PRIMA1: variants seen among roughly 807,000 people sequenced by gnomAD.
PRIMA1 encodes the protein proline rich membrane anchor 1, also known as proline-rich membrane anchor 1.
PRIMA1 carries 7 observed loss-of-function variants against 17.5 expected under a neutral mutation model. That is an observed-to-expected ratio of 0.40 (90% confidence interval 0.23 to 0.75). The LOEUF (loss-of-function observed/expected upper bound fraction) is 0.75. PRIMA1 is among the 30% of genes least tolerant of loss of function. The probability of loss-of-function intolerance (pLI) is 0.37; values close to 1 mark genes in which losing one functional copy is unlikely to be tolerated. For synonymous variants in PRIMA1, 97 were observed against 77.9 expected, an observed-to-expected ratio of 1.25 and a Z score of -1.29; for missense variants, 200 against 201.8, an observed-to-expected ratio of 0.99 and a Z score of 0.05.
At chr14:93,741,059 G>A (rs1009214238) in intron 3 of PRIMA1, among the ~76,000 whole-genome samples, 1 of 152,186 alleles carries the variant, frequency 6.6e-6, no homozygotes, top group East Asian at 1.9e-4. Context: ...ACTTATCACC[G>A]CATGTGTATG....
In PRIMA1 at chr14:93,780,990, G is replaced by A. The variant is rs142258167; in HGVS notation, c.94-1679C>T. Among the ~76,000 whole-genome samples, 631 of 151,624 alleles carry A rather than the reference G, an allele frequency of 4.2e-3. 4 individuals carry two copies. Among genetic ancestry groups the A allele is most frequent in the South Asian group, 9.3e-3 (45 of 4,826 alleles). ...AATGCTGATCCAGCCCCTCTGTCACGTGGCAGGGAGAGCCCCCCGGGGCTG... is the reference window on the plus strand; with the variant it reads ...AATGCTGATCCAGCCCCTCTGTCACATGGCAGGGAGAGCCCCCCGGGGCTG... On this transcript the variant is annotated intron_variant, in intron 2 of 4. Coordinates refer to ENST00000393140, the MANE Select transcript of PRIMA1 (RefSeq NM_178013.4).
intron 4 of PRIMA1, among the ~76,000 whole-genome samples, chr14:93,722,668 AATG>A (rs1372917429): frequency 7.1e-5 from 5 of 70,744 alleles, no homozygotes; most frequent in Middle Eastern, 9.6e-3. Context: ...TGATAGCGGT[AATG>A]ATGATGGGGT....
rs1466918728 is a variant in PRIMA1, at chr14:93,721,602, T to C, written c.360-56A>G. On this transcript the variant is annotated intron_variant, in intron 4 of 4. Transcript: ENST00000393140. ...AAAGGAGGGGGAGGCAGGGACACCATTAGTTATCACTGATGGTGGGGTGTA... is the reference window on the plus strand; with the variant it reads ...AAAGGAGGGGGAGGCAGGGACACCACTAGTTATCACTGATGGTGGGGTGTA... The C allele has an allele frequency of 3.7e-6, 4 of 1,070,528 alleles. No individual in the cohort carries two copies. In the South Asian group the frequency reaches 3.9e-5, roughly 10 times the overall value. The allele number at this position is 1,070,528 out of a possible 1,614,324, so 66.3% of individuals were successfully genotyped here. A position where few individuals can be genotyped will look rare whatever the true frequency, so the allele number is the denominator to read the frequency against.
At chr14:93,759,488 C>A (rs1003752775) in intron 3 of PRIMA1, among the ~76,000 whole-genome samples, 4 of 151,926 alleles carry the variant, frequency 2.6e-5, no homozygotes, top group Admixed American at 2.6e-4. Flanking sequence ...TATGTGTGTG[C>A]GCGTGCATGT....
chr14:93,733,780 G>A (rs1296274159), intron 4 of PRIMA1, among the ~76,000 whole-genome samples: 3 of 152,186 alleles, frequency 2.0e-5, no homozygotes, highest in African/African-American at 7.2e-5. Context: ...ATGAATTATT[G>A]ACCAAAAACA....
intron 3 of PRIMA1, among the ~76,000 whole-genome samples, chr14:93,745,776 GCACAGTGGTTATCCA>G (rs1449229756): frequency 3.3e-5 from 5 of 152,258 alleles, no homozygotes; most frequent in Non-Finnish European, 1.5e-5. Flanking sequence ...GCCCAGTTCA[GCACAGTGGTTATCCA>G]CACGGGCTTT....
At chr14:93,783,827 CAG>C in intron 2 of PRIMA1, among the ~76,000 whole-genome samples, 1 of 152,286 alleles carries the variant, frequency 6.6e-6, no homozygotes, top group South Asian at 2.1e-4. Flanking sequence ...CTGAGGGACA[CAG>C]TGTTCCCAGC....
chr14:93,720,137 TAGGGGTGGTGGGGAGAGCC>T lies in PRIMA1; in HGVS notation c.*1288_*1306del, dbSNP rs1194711260. On this transcript the variant is annotated 3_prime_UTR_variant, in exon 5 of 5. Coordinates refer to ENST00000393140, the MANE Select transcript of PRIMA1 (RefSeq NM_178013.4). The stretch of plus-strand genomic sequence containing the variant: ...ATTGGGCTCCTTCTGAGCACATATG[TAGGGGTGGTGGGGAGAGCC>T]AGGGGGCCAGGAGTGTCCCACTCAT... The T allele has an allele frequency of 1.3e-5, 2 of 152,232 alleles. No homozygotes were observed. Among genetic ancestry groups the T allele is most frequent in the Non-Finnish European group, 2.9e-5 (2 of 68,056 alleles). 9.4% of individuals were successfully genotyped at this position (152,232 alleles called of 1,614,324 possible).
chr14:93,738,882 G>A (rs2076167370), intron 3 of PRIMA1, among the ~76,000 whole-genome samples: 1 of 152,058 alleles, frequency 6.6e-6, no homozygotes, highest in African/African-American at 2.4e-5. Flanking sequence ...AGATTTGCTT[G>A]GTTTTGACAT....
At chr14:93,777,344 T>TC (rs1255189868) in intron 3 of PRIMA1, among the ~76,000 whole-genome samples, 1 of 93,980 alleles carries the variant, frequency 1.1e-5, no homozygotes, top group Non-Finnish European at 3.0e-5. Flanking sequence ...TCCCATTCAT[T>TC]CTTTTTTTTT....
At chr14:93,776,677 T>C (rs1179900097) in intron 3 of PRIMA1, among the ~76,000 whole-genome samples, 2 of 152,260 alleles carry the variant, frequency 1.3e-5, no homozygotes, top group East Asian at 1.9e-4. Context: ...ACTGGGTCCA[T>C]GTCCCTGCAG....
In PRIMA1 at chr14:93,766,898, A is replaced by G. The variant is rs116749476; in HGVS notation, c.229+12278T>C. Reference sequence around the variant, plus strand: ...AAATAAGATACAAACTGATTAACTGATAAGGACCATATCTTCTTTATTTTC... The same window carrying G: ...AAATAAGATACAAACTGATTAACTGGTAAGGACCATATCTTCTTTATTTTC... On this transcript the variant is annotated intron_variant, in intron 3 of 4. Coordinates refer to ENST00000393140, the MANE Select transcript of PRIMA1 (RefSeq NM_178013.4). Among the ~76,000 whole-genome samples, 759 of 152,352 alleles carry G rather than the reference A, an allele frequency of 5.0e-3. 2 individuals are homozygous for G. Among genetic ancestry groups the G allele is most frequent in the African/African-American group, 0.017 (727 of 41,580 alleles).
At chr14:93,767,518 C>T (rs1384291920) in intron 3 of PRIMA1, among the ~76,000 whole-genome samples, 1 of 152,198 alleles carries the variant, frequency 6.6e-6, no homozygotes, top group Non-Finnish European at 1.5e-5. Flanking sequence ...GACCCTTCAG[C>T]AAACTCATGC....
chr14:93,744,441 TG>T (rs1270394770), intron 3 of PRIMA1, among the ~76,000 whole-genome samples: 2 of 152,200 alleles, frequency 1.3e-5, no homozygotes, highest in Non-Finnish European at 2.9e-5. Flanking sequence ...CTATGGCGGC[TG>T]GGGGAGGTCT....
intron 3 of PRIMA1, among the ~76,000 whole-genome samples, chr14:93,768,979 C>G (rs920046988): frequency 2.2e-5 from 1 of 45,800 alleles, no homozygotes. Context: ...CTAAAGATCA[C>G]TTTTTTAAAA....
upstream of PRIMA1, among the ~76,000 whole-genome samples, chr14:93,788,877 T>G (rs1885611321): frequency 6.6e-6 from 1 of 151,686 alleles, no homozygotes; most frequent in Non-Finnish European, 1.5e-5. Flanking sequence ...CTCCCCGCCT[T>G]TCCTGGTGGC....
At chr14:93,776,399 T>C (rs1030810369) in intron 3 of PRIMA1, among the ~76,000 whole-genome samples, 4 of 152,202 alleles carry the variant, frequency 2.6e-5, no homozygotes, top group Non-Finnish European at 5.9e-5. Context: ...ATGAGTTCTC[T>C]CTGTACTCAA....
chr14:93,764,707 G>C (rs1436295135), intron 3 of PRIMA1, among the ~76,000 whole-genome samples: 1 of 152,200 alleles, frequency 6.6e-6, no homozygotes, highest in Non-Finnish European at 1.5e-5. Flanking sequence ...GCACTTTTTT[G>C]AGTGGGAGAG....
chr14:93,737,041 A>T (rs922384496), intron 4 of PRIMA1, among the ~76,000 whole-genome samples, 200 bp downstream of exon 4: 2 of 152,250 alleles, frequency 1.3e-5, no homozygotes, highest in Non-Finnish European at 2.9e-5. Context: ...AATAAAATAG[A>T]TATAGCAAAT....
Sources: allele counts gnomAD v4.1 joint callset (sites outside exome capture counted in the v4.1 genomes callset), GRCh38; gene constraint gnomAD v4.1.1; transcripts MANE v1.5; gene names NCBI Gene and HGNC (gene_info 2026-07-23, HGNC 2026-07-21).